The following ADGRD1 variants were observed in gnomAD, a reference collection of about 807,000 sequenced individuals.
The protein encoded by ADGRD1 is adhesion G protein-coupled receptor D1, also known as G-protein coupled receptor 133.
Under a neutral mutation model 113.4 loss-of-function variants are expected in ADGRD1, and 77 were observed. The observed-to-expected ratio is 0.68, with a 90% CI of 0.57 to 0.82. The LOEUF (loss-of-function observed/expected upper bound fraction) is 0.82, where lower values mean the gene tolerates loss of function less well. Ranked by LOEUF, ADGRD1 falls within the 40% of genes least tolerant of loss-of-function variation. ADGRD1 has a pLI of 0.00. For synonymous variants in ADGRD1, 474 were observed against 475.0 expected (o/e 1.00, Z 0.03); for missense variants, 1,036 against 1,139.1 (o/e 0.91, Z 1.30).
At chr12:131,018,884 C>T (rs990694796) in intron 13 of ADGRD1, among the ~76,000 whole-genome samples, 1 of 152,106 alleles carries the variant, frequency 6.6e-6, no homozygotes, top group African/African-American at 2.4e-5. Context: ...TTGCTTTTGG[C>T]TCCCGGGTTG....
At position 131,075,420 on chromosome 12, in the gene ADGRD1, G is replaced by T. The variant is rs1012766257; in HGVS notation, c.1474-1381G>T. On this transcript the variant is annotated intron_variant, in intron 13 of 24. Transcript: ENST00000261654. The surrounding 1 kb of genome is among the most constrained non-coding windows in gnomAD (Gnocchi z 5.3). ...TTGTCTGTGCAAGAGTTCACAGCAG[G>T]CTGTGGCTTTGGGAAGACAGAGGAG... Among the ~76,000 whole-genome samples, 2 of 152,184 alleles carry T rather than the reference G, an allele frequency of 1.3e-5. No homozygotes were observed. Among genetic ancestry groups the T allele is most frequent in the African/African-American group, 4.8e-5 (2 of 41,438 alleles).
At chr12:131,011,746 G>GT (rs1298872203) in intron 12 of ADGRD1, among the ~76,000 whole-genome samples, 1 of 152,236 alleles carries the variant, frequency 6.6e-6, no homozygotes, top group Non-Finnish European at 1.5e-5. Flanking sequence ...TAGCAACGTG[G>GT]TTTTTCCAGC....
chr12:131,062,779 G>C (rs1197251472), intron 13 of ADGRD1, among the ~76,000 whole-genome samples: 2 of 151,998 alleles, frequency 1.3e-5, no homozygotes, highest in Non-Finnish European at 1.5e-5. Context: ...AGGTGAAAAT[G>C]AACTAATACA....
chr12:131,035,585 C>A (rs1441354672), intron 13 of ADGRD1: 1 of 152,162 alleles, frequency 6.6e-6, no homozygotes, highest in African/African-American at 2.4e-5. Context: ...AGGAAATCCA[C>A]TGAGCCGAGA....
intron 13 of ADGRD1, among the ~76,000 whole-genome samples, chr12:131,068,124 C>A (rs1884868633): frequency 6.6e-6 from 1 of 152,208 alleles, no homozygotes; most frequent in South Asian, 2.1e-4. Context: ...GCCACCAGAT[C>A]GGTCACCATG....
chr12:131,066,647 G>A (rs1219099083), intron 13 of ADGRD1, among the ~76,000 whole-genome samples: 6 of 152,236 alleles, frequency 3.9e-5, no homozygotes, highest in African/African-American at 1.2e-4. Flanking sequence ...GAGGTGACAA[G>A]CAGGCAGACA....
intron 13 of ADGRD1, among the ~76,000 whole-genome samples, chr12:131,076,463 C>T (rs898698204): frequency 1.7e-4 from 26 of 152,020 alleles, no homozygotes; most frequent in African/African-American, 6.3e-4. Flanking sequence ...TGGGGAAGAG[C>T]CTGTGGCTAC....
At chr12:130,968,731 C>T in intron 3 of ADGRD1, 1 of 514,980 alleles carries the variant, frequency 1.9e-6, no homozygotes, top group Non-Finnish European at 3.4e-6. Context: ...TCGCTTGCGG[C>T]CAAATTCAGC....
In ADGRD1 at chr12:131,060,013, G is replaced by A. The variant is rs1390554832; in HGVS notation, c.1474-16788G>A. ...GATCTTATTTAAATCTGTTTTAGCA[G>A]TCCTTCTCTGATACCCACCACTGGG... On this transcript the variant is annotated intron_variant, in intron 13 of 24. Coordinates refer to ENST00000261654, the MANE Select transcript of ADGRD1 (RefSeq NM_198827.5). The surrounding 1 kb of genome is among the most constrained non-coding windows in gnomAD (Gnocchi z 4.4). Among the ~76,000 whole-genome samples, 5 of 152,236 alleles carry A rather than the reference G, an allele frequency of 3.3e-5. No homozygotes were observed. The highest frequency in any genetic ancestry group is 7.3e-5 in the Non-Finnish European group (5 of 68,046).
intron 22 of ADGRD1, 138 bp from the exon 23 acceptor site, chr12:131,136,835 C>A: frequency 1.3e-6 from 1 of 760,080 alleles, no homozygotes. Context: ...TCTCCGTCCT[C>A]ACGGGCCCCA....
intron 13 of ADGRD1, among the ~76,000 whole-genome samples, chr12:131,071,426 A>G (rs554507667): frequency 6.6e-6 from 1 of 152,048 alleles, no homozygotes; most frequent in East Asian, 1.9e-4. Flanking sequence ...CACTGGGAGA[A>G]GAGGAGCCAT....
rs1039730681 is a variant in ADGRD1, at chr12:131,034,035, C to T, written c.1473+19695C>T. On this transcript the variant is annotated intron_variant, in intron 13 of 24. Transcript: ENST00000261654. ...TTGCCCCTGGTTTCACTGTCTACCCCGGAGGCCAGCGCCAGCCTCCCAGCC... is the reference window on the plus strand; with the variant it reads ...TTGCCCCTGGTTTCACTGTCTACCCTGGAGGCCAGCGCCAGCCTCCCAGCC... Among the ~76,000 whole-genome samples the T allele has an allele frequency of 7.2e-5, 11 of 152,316 alleles. No homozygotes were observed. The East Asian group carries it at 1.5e-3, about 21-fold the overall frequency.
chr12:131,049,843 C>T (rs575410766), intron 13 of ADGRD1, among the ~76,000 whole-genome samples: 11 of 152,206 alleles, frequency 7.2e-5, no homozygotes, highest in South Asian at 2.1e-4. Flanking sequence ...GAGTGGGGTC[C>T]GTGGGGGACT....
In ADGRD1 at chr12:130,954,361, C is replaced by A. The variant is rs112275865; in HGVS notation, c.-105C>A. ...GAGACAGAAATTTTCTCCCCTGGAACCTGTGAAAATGTCCCTTTTCCAAGG... is the reference window on the plus strand; with the variant it reads ...GAGACAGAAATTTTCTCCCCTGGAAACTGTGAAAATGTCCCTTTTCCAAGG... On this transcript the variant is annotated 5_prime_UTR_variant, in exon 1 of 25. Transcript: ENST00000261654. The surrounding 1 kb of genome is among the most constrained non-coding windows in gnomAD (Gnocchi z 4.7). 3 of 1,004,298 alleles carry A rather than the reference C, an allele frequency of 3.0e-6. No individual in the cohort carries two copies. Among genetic ancestry groups the A allele is most frequent in the Non-Finnish European group, 4.4e-6 (3 of 681,814 alleles). The allele number at this position is 1,004,298 out of a possible 1,614,324, so 62.2% of individuals were successfully genotyped here. A position where few individuals can be genotyped will look rare whatever the true frequency, so the allele number is the denominator to read the frequency against.
intron 2 of ADGRD1, among the ~76,000 whole-genome samples, chr12:130,964,456 C>A (rs919125628): frequency 6.6e-6 from 1 of 152,090 alleles, no homozygotes; most frequent in Admixed American, 6.5e-5. Flanking sequence ...GAGGCTGAGG[C>A]AGGTGGATCA....
intron 13 of ADGRD1, among the ~76,000 whole-genome samples, chr12:131,037,097 T>C (rs1334129977): frequency 9.0e-4 from 99 of 109,744 alleles, no homozygotes; most frequent in African/African-American, 2.0e-3. Flanking sequence ...CTCACTGCAC[T>C]GGGCCTCACT....
At position 130,954,261 on chromosome 12, in the gene ADGRD1, A is replaced by C. The variant is rs576572098; in HGVS notation, c.-205A>C. ...ATCGCAACGTGTTTATTGATCACTGAAGAATCTCAAGTTTTGAGACGAGGA... is the reference window on the plus strand; with the variant it reads ...ATCGCAACGTGTTTATTGATCACTGCAGAATCTCAAGTTTTGAGACGAGGA... On this transcript the variant is annotated 5_prime_UTR_variant, in exon 1 of 25. Coordinates refer to ENST00000261654, the MANE Select transcript of ADGRD1 (RefSeq NM_198827.5). The surrounding 1 kb of genome is among the most constrained non-coding windows in gnomAD (Gnocchi z 4.7). 2.0e-6 allele frequency: 1 copy of C among 509,852 alleles called. No individual in the cohort carries two copies. Among genetic ancestry groups the C allele is most frequent in the African/African-American group, 2.0e-5 (1 of 51,214 alleles). 31.6% of individuals were successfully genotyped at this position (509,852 alleles called of 1,614,324 possible).
At chr12:131,065,585 G>A (rs1017801562) in intron 13 of ADGRD1, among the ~76,000 whole-genome samples, 2 of 152,116 alleles carry the variant, frequency 1.3e-5, no homozygotes, top group African/African-American at 2.4e-5. Flanking sequence ...TCCCTTGTAC[G>A]GATCTCAGGC....
intron 6 of ADGRD1, chr12:130,988,928 C>G (rs34850147): frequency 0.09 from 13,736 of 153,162 alleles, 802 homozygotes; most frequent in Middle Eastern, 0.15. Context: ...CCCAGCCCCC[C>G]TGAAATGACA....
Sources: allele counts gnomAD v4.1 joint callset (sites outside exome capture counted in the v4.1 genomes callset), GRCh38; gene constraint gnomAD v4.1.1; non-coding constraint Gnocchi (gnomAD v3.1); transcripts MANE v1.5; gene names NCBI Gene and HGNC (gene_info 2026-07-23, HGNC 2026-07-21).